Variants in TMCO5A observed in about 807,000 individuals in gnomAD.
TMCO5A encodes transmembrane and coiled-coil domains 5A.
Under a neutral mutation model 42.3 loss-of-function variants are expected in TMCO5A, and 34 were observed. That is an observed-to-expected ratio of 0.80 (90% CI 0.61 to 1.07). The LOEUF (loss-of-function observed/expected upper bound fraction) is 1.07. TMCO5A is among the 50% of genes least tolerant of loss of function. The pLI is 0.00. For synonymous variants in TMCO5A, 131 were observed against 115.6 expected (o/e 1.13, Z -0.86); for missense variants, 357 against 327.9 (o/e 1.09, Z -0.69).
chr15:38,033,288 T>C, the TMCO5A span, among the ~76,000 whole-genome samples: 1 of 152,204 alleles, frequency 6.6e-6, no homozygotes, highest in Non-Finnish European at 1.5e-5. Flanking sequence ...GAGCTTCTAT[T>C]TAAAATTCTT....
chr15:37,965,233 C>T (rs1890529557), intron 11 of TMCO5A, among the ~76,000 whole-genome samples: 1 of 152,062 alleles, frequency 6.6e-6, no homozygotes, highest in Non-Finnish European at 1.5e-5. Context: ...AAACGAAATC[C>T]CTGTCTCTCA....
At chr15:38,017,563 C>A in the TMCO5A span, among the ~76,000 whole-genome samples, 1 of 152,146 alleles carries the variant, frequency 6.6e-6, no homozygotes, top group Non-Finnish European at 1.5e-5. Context: ...ACAGGAAAGG[C>A]TTTTAAAGCA....
chr15:38,011,729 C>A, the TMCO5A span, among the ~76,000 whole-genome samples: 1 of 152,292 alleles, frequency 6.6e-6, no homozygotes, highest in Admixed American at 6.5e-5. Flanking sequence ...AAATAAAAAT[C>A]TACCATGTCT....
At chr15:37,971,038 G>C (rs1890664280), downstream of TMCO5A, among the ~76,000 whole-genome samples, 1 of 152,194 alleles carries the variant, frequency 6.6e-6, no homozygotes, top group South Asian at 2.1e-4. Flanking sequence ...GCTCCACTAG[G>C]CAGTGCCCCA....
chr15:37,943,539 C>A lies in TMCO5A; in HGVS notation c.627+141C>A, dbSNP rs1383887795. 7 of 681,540 alleles carry A rather than the reference C, an allele frequency of 1.0e-5. No individual in the cohort carries two copies. In the Admixed American group the frequency reaches 1.8e-4, roughly 18 times the overall value. 42.2% of individuals were successfully genotyped at this position (681,540 alleles called of 1,614,324 possible). ...AACAGTACCAGCTATAATTACAGAG[C>A]ATTCCAACCCTAAACAAACAAACTA... On this transcript the variant is annotated intron_variant, in intron 10 of 11. Transcript: ENST00000319669.
the TMCO5A span, among the ~76,000 whole-genome samples, chr15:37,988,359 T>C: frequency 6.6e-6 from 1 of 151,998 alleles, no homozygotes; most frequent in Non-Finnish European, 1.5e-5. Flanking sequence ...GCCTTATTGC[T>C]CTGGCTACAA....
chr15:38,021,601 A>T, the TMCO5A span, among the ~76,000 whole-genome samples: 4,588 of 152,254 alleles, frequency 0.03, 257 homozygotes, highest in African/African-American at 0.11. Context: ...AAGGGAGACT[A>T]GGTTTTGATT....
exon 12 of TMCO5A, chr15:37,966,839 G>A: frequency 1.6e-6 from 1 of 622,950 alleles, no homozygotes; most frequent in Non-Finnish European, 2.9e-6. Context: ...TCAAGCTTAT[G>A]TCATATGTTC....
the TMCO5A span, among the ~76,000 whole-genome samples, chr15:37,986,353 A>G: frequency 6.6e-6 from 1 of 150,936 alleles, no homozygotes; most frequent in East Asian, 1.9e-4. Flanking sequence ...GATGGAAGCG[A>G]AAAAAGAGCC....
At chr15:38,003,200 C>T in the TMCO5A span, among the ~76,000 whole-genome samples, 1 of 147,764 alleles carries the variant, frequency 6.8e-6, no homozygotes, top group East Asian at 2.1e-4. Context: ...TTGTTCTCTT[C>T]CCTGACTTTC....
At chr15:37,950,084 TGCAA>T (rs1890106618) in intron 11 of TMCO5A, among the ~76,000 whole-genome samples, 1 of 152,190 alleles carries the variant, frequency 6.6e-6, no homozygotes, top group East Asian at 1.9e-4. Flanking sequence ...TGCAGGAAAC[TGCAA>T]TACCTTTATG....
chr15:37,948,857 A>G (rs1484301924), intron 11 of TMCO5A, among the ~76,000 whole-genome samples: 1 of 152,046 alleles, frequency 6.6e-6, no homozygotes, highest in East Asian at 1.9e-4. Flanking sequence ...CTGAAATTTC[A>G]TGGAGAGTGG....
At chr15:37,936,011 C>T (rs1889496552) in intron 2 of TMCO5A, 2 of 200,104 alleles carry the variant, frequency 1.0e-5, no homozygotes, top group Non-Finnish European at 2.0e-5. Context: ...AGAAACATTT[C>T]TCCCCAGCGC....
At chr15:37,941,276 T>C (rs542236433) in intron 7 of TMCO5A, 71 bp downstream of exon 7, 1 of 1,444,838 alleles carries the variant, frequency 6.9e-7, no homozygotes, top group Non-Finnish European at 9.6e-7. Flanking sequence ...GCAATCTATT[T>C]CTCAAGTGAT....
chr15:37,958,663 T>A (rs1890350214), intron 11 of TMCO5A, among the ~76,000 whole-genome samples: 1 of 152,170 alleles, frequency 6.6e-6, no homozygotes, highest in Non-Finnish European at 1.5e-5. Flanking sequence ...GCTTTTACAC[T>A]GTTGGTGGGA....
chr15:37,956,452 A>G (rs1319084481), intron 11 of TMCO5A, among the ~76,000 whole-genome samples: 2 of 152,242 alleles, frequency 1.3e-5, no homozygotes, highest in Non-Finnish European at 2.9e-5. Flanking sequence ...ATCAAAGAAT[A>G]CTATAAACAC....
At chr15:37,990,960 G>A in the TMCO5A span, among the ~76,000 whole-genome samples, 5 of 152,020 alleles carry the variant, frequency 3.3e-5, no homozygotes, top group South Asian at 8.3e-4. Context: ...GTCTTTATAC[G>A]TTGTGTGTCC....
At chr15:38,011,975 G>T in the TMCO5A span, among the ~76,000 whole-genome samples, 1 of 152,006 alleles carries the variant, frequency 6.6e-6, no homozygotes, top group Non-Finnish European at 1.5e-5. Flanking sequence ...ATACAAAAAA[G>T]TAGCCTGGCG....
At chr15:37,984,447 C>G in the TMCO5A span, among the ~76,000 whole-genome samples, 6 of 152,268 alleles carry the variant, frequency 3.9e-5, no homozygotes, top group East Asian at 1.2e-3. Flanking sequence ...ATTTTCTAAA[C>G]AGCGCTGCAA....
Sources: allele counts gnomAD v4.1 joint callset (sites outside exome capture counted in the v4.1 genomes callset), GRCh38; gene constraint gnomAD v4.1.1; transcripts MANE v1.5; gene names NCBI Gene and HGNC (gene_info 2026-07-23, HGNC 2026-07-21).